ZNF185: variants seen among roughly 807,000 people sequenced by gnomAD.
ZNF185 encodes the protein zinc finger protein 185 with LIM domain.
ZNF185 carries 56 observed loss-of-function variants against 58.6 expected under a neutral mutation model. The observed-to-expected ratio is 0.95, with a 90% CI of 0.77 to 1.19. The LOEUF is 1.19. ZNF185 is among the 50% of genes most tolerant of loss of function. The probability of loss-of-function intolerance (pLI) is 0.00; values close to 1 mark genes in which losing one functional copy is unlikely to be tolerated. For missense variants in ZNF185, 627 were observed against 573.5 expected, an observed-to-expected ratio of 1.09 and a Z score of -0.95; for synonymous variants, 230 against 215.9, an observed-to-expected ratio of 1.07 and a Z score of -0.57.
chrX:152,969,304 A>G (rs2050436232), intron 20 of ZNF185, 78 bp from the exon 23 acceptor site: 1 of 895,651 alleles, frequency 1.1e-6, no homozygotes, highest in Non-Finnish European at 1.6e-6. Context: ...GGCTGCACCA[A>G]ATTGGAAGGT....
At chrX:152,910,917 C>T (rs782332032), upstream of ZNF185, among the ~76,000 whole-genome samples, 45 of 112,294 alleles carry the variant, frequency 4.0e-4, 1 homozygote, top group South Asian at 3.7e-4. Context: ...CCACTCTGCC[C>T]TGCTCTCTGT....
intron 16 of ZNF185, 73 bp from the exon 19 acceptor site, chrX:152,959,626 C>A: frequency 9.2e-7 from 1 of 1,082,775 alleles, no homozygotes; most frequent in Non-Finnish European, 1.2e-6. Flanking sequence ...ACATGACAGC[C>A]AGCCTACCTG....
chrX:152,931,185 AAAC>A (rs1333657151), intron 12 of ZNF185, among the ~76,000 whole-genome samples: 4 of 112,458 alleles, frequency 3.6e-5, no homozygotes, highest in Non-Finnish European at 7.5e-5. Flanking sequence ...AGTAGCTATA[AAAC>A]AACAACAACA....
rs782471944 is a variant in ZNF185 at position 152,967,232 on chromosome X, C to CTT, written c.1866_1867insTT (p.Glu623LeufsTer24). ...CCTCCATGTGGCAGCACTCCATACT[C>CTT]TGAGAGGTATGTTGACTTTCTTAGC... On this transcript the variant is annotated frameshift_variant, in exon 20 of 23. Coordinates refer to ENST00000449285, the Ensembl canonical transcript of ZNF185. LOFTEE classifies it high-confidence loss of function. The CTT allele has an allele frequency of 5.8e-6, 7 of 1,208,744 alleles. No individual in the cohort carries two copies. The African/African-American group carries it at 1.2e-4, about 21-fold the overall frequency.
chrX:152,969,549 G>A (rs535563228), intron 21 of ZNF185, 65 bp downstream of exon 23: 3 of 870,261 alleles, frequency 3.4e-6, no homozygotes, highest in African/African-American at 2.0e-5. Context: ...TGCTAAGAAC[G>A]TTTTGTAGAG....
In ZNF185 at chrX:152,967,038, C is replaced by G. The variant is rs1470371725; in HGVS notation, c.1800-129C>G. ...CCCCCATAGAAGGGCCCTGTGGCAC[C>G]AAGTCATGAATGACGACTGGCATCG... is the stretch of plus-strand genomic sequence containing the variant. On this transcript the variant is annotated intron_variant, in intron 19 of 22. Transcript: ENST00000449285. 4.9e-6 allele frequency: 3 copies of G among 607,763 alleles called. No homozygotes were observed. In the African/African-American group the frequency reaches 6.7e-5, roughly 14 times the overall value. The allele number at this position is 607,763 out of a possible 1,213,427, so 50.1% of individuals were successfully genotyped here.
At chrX:152,898,588 G>A in the ZNF185 span, among the ~76,000 whole-genome samples, 10 of 112,231 alleles carry the variant, frequency 8.9e-5, no homozygotes, top group African/African-American at 1.3e-4. Context: ...TAAGAATCAG[G>A]GAATCTCATA....
chrX:152,931,264 GGTTT>G (rs1279275716), intron 12 of ZNF185, among the ~76,000 whole-genome samples: 5 of 112,048 alleles, frequency 4.5e-5, no homozygotes, highest in South Asian at 3.7e-4. Context: ...CAATCAGCAG[GGTTT>G]GTTTGTTTTT....
chrX:152,939,570 G>A (rs973090101), intron 15 of ZNF185, among the ~76,000 whole-genome samples: 1 of 111,332 alleles, frequency 9.0e-6, no homozygotes, highest in Non-Finnish European at 1.9e-5. Context: ...TGGTTAACAT[G>A]GTTAACATGC....
intron 15 of ZNF185, among the ~76,000 whole-genome samples, chrX:152,941,192 T>G (rs984743329): frequency 1.8e-5 from 2 of 112,064 alleles, no homozygotes; most frequent in Non-Finnish European, 3.8e-5. Context: ...CCTTCCAGGC[T>G]AGGTCGAGAA....
At chrX:152,933,783 T>C (rs1274865478) in intron 14 of ZNF185, among the ~76,000 whole-genome samples, 2 of 112,523 alleles carry the variant, frequency 1.8e-5, no homozygotes, top group Admixed American at 1.9e-4. Flanking sequence ...TACTGCAGTC[T>C]GGCCAAGGAG....
exon 13 of ZNF185, chrX:152,931,754 G>T (rs782288983): frequency 2.2e-5 from 27 of 1,207,489 alleles, no homozygotes; most frequent in Admixed American, 4.4e-5. Context: ...GGCTTTCAGG[G>T]CCCCCAACAC....
chrX:152,939,489 T>A (rs1296050341), intron 15 of ZNF185, among the ~76,000 whole-genome samples: 1 of 112,023 alleles, frequency 8.9e-6, no homozygotes, highest in Non-Finnish European at 1.9e-5. Flanking sequence ...CAGGAGAAAC[T>A]ACGAAAAACT....
In ZNF185 at chrX:152,920,749, G is replaced by C. The variant is rs1303154397; in HGVS notation, c.656+1G>C. On this transcript the variant is annotated splice_donor_variant, in intron 9 of 22. Coordinates refer to ENST00000449285, the Ensembl canonical transcript of ZNF185. LOFTEE classifies it high-confidence loss of function. ...CACAGGCACCGTTTATCGCGAAGAG[G>C]TAAGTGTCATCAAGGGACACCTTGG... 1.7e-6 allele frequency: 2 copies of C among 1,210,556 alleles called. No homozygotes were observed. Among genetic ancestry groups the C allele is most frequent in the Non-Finnish European group, 2.2e-6 (2 of 895,163 alleles).
intron 15 of ZNF185, among the ~76,000 whole-genome samples, chrX:152,938,909 AGAG>A (rs111850441): frequency 0.14 from 12,962 of 91,749 alleles, 777 homozygotes; most frequent in African/African-American, 0.29. Flanking sequence ...TCTCCTCTAA[AGAG>A]GAGAAGGAGC....
chrX:152,936,634 C>A, intron 14 of ZNF185, 121 bp downstream of exon 16: 1 of 585,529 alleles, frequency 1.7e-6, no homozygotes, highest in Non-Finnish European at 2.7e-6. Context: ...GCCACTTTCA[C>A]ATCAGGTGAT....
chrX:152,907,646 C>A, the ZNF185 span, among the ~76,000 whole-genome samples: 1 of 113,109 alleles, frequency 8.8e-6, no homozygotes, highest in Non-Finnish European at 1.9e-5. Flanking sequence ...CTGGCCTGTG[C>A]AAGAGGAGTT....
At chrX:152,945,507 T>G (rs918157177) in intron 16 of ZNF185, 43 bp downstream of exon 18, 10 of 1,154,053 alleles carry the variant, frequency 8.7e-6, no homozygotes, top group Admixed American at 2.6e-5. Flanking sequence ...GGAGCCCATG[T>G]TTTTGTTGAG....
intron 14 of ZNF185, among the ~76,000 whole-genome samples, chrX:152,937,739 C>G (rs1422067696): frequency 8.9e-6 from 1 of 112,424 alleles, no homozygotes; most frequent in Non-Finnish European, 1.9e-5. Flanking sequence ...TCATGCAGGC[C>G]TGGATATCCC....
Sources: gnomAD v4.1 joint callset for allele counts (sites outside exome capture counted in the v4.1 genomes callset) on GRCh38, gnomAD v4.1.1 for gene constraint, MANE v1.5 for transcripts, NCBI Gene and HGNC (gene_info 2026-07-23, HGNC 2026-07-21) for gene names.